PRR16: variants seen among roughly 807,000 people sequenced by gnomAD.
PRR16 encodes the protein protein Largen.
PRR16 carries 6 observed loss-of-function variants against 18.2 expected under a neutral mutation model. The ratio of observed to expected loss-of-function variants is 0.33; its 90% CI spans 0.18 to 0.65. The LOEUF (loss-of-function observed/expected upper bound fraction) is 0.65, where lower values mean the gene tolerates loss of function less well. Ranked by LOEUF, PRR16 falls within the 30% of genes least tolerant of loss-of-function variation. PRR16 has a pLI of 0.74. For synonymous variants in PRR16, 151 were observed against 147.8 expected (o/e 1.02, Z -0.16); for missense variants, 412 against 376.6 (o/e 1.09, Z -0.78).
intron 1 of PRR16, among the ~76,000 whole-genome samples, chr5:120,512,308 G>A (rs1750854097): frequency 6.6e-6 from 1 of 152,128 alleles, no homozygotes; most frequent in Non-Finnish European, 1.5e-5. Flanking sequence ...GAGGGCTCCA[G>A]GCGACCAAAT....
At chr5:120,613,348 T>C (rs141521276) in intron 1 of PRR16, among the ~76,000 whole-genome samples, 132 of 144,196 alleles carry the variant, frequency 9.2e-4, no homozygotes, top group Non-Finnish European at 1.7e-3. Context: ...TCAGTGGAAA[T>C]AAAATTTAAA....
chr5:120,525,357 A>G (rs1259803377), intron 1 of PRR16, among the ~76,000 whole-genome samples: 1 of 152,082 alleles, frequency 6.6e-6, no homozygotes, highest in Non-Finnish European at 1.5e-5. Context: ...CTCGAACTTA[A>G]TAAATTAAAT....
chr5:120,649,461 A>G (rs764085753), intron 1 of PRR16, among the ~76,000 whole-genome samples: 2 of 152,238 alleles, frequency 1.3e-5, no homozygotes, highest in South Asian at 4.1e-4. Flanking sequence ...ATTTTTTACT[A>G]CTATTGACTA....
the PRR16 span, chr5:120,781,124 G>A: frequency 1.3e-5 from 2 of 151,826 alleles, no homozygotes; most frequent in African/African-American, 4.8e-5. Flanking sequence ...TGAATTAATT[G>A]GCAAAATAAT....
intron 1 of PRR16, among the ~76,000 whole-genome samples, chr5:120,489,219 G>C (rs1442959985): frequency 2.6e-5 from 4 of 152,132 alleles, no homozygotes; most frequent in African/African-American, 9.7e-5. Flanking sequence ...TTAACTTTCT[G>C]TCTTGTTGAT....
the PRR16 span, among the ~76,000 whole-genome samples, chr5:120,762,065 CTAT>C: frequency 9.2e-5 from 14 of 152,074 alleles, no homozygotes; most frequent in Admixed American, 2.0e-4. Flanking sequence ...TTTTTTATGG[CTAT>C]TATTCCACTG....
intron 1 of PRR16, among the ~76,000 whole-genome samples, chr5:120,608,646 C>G (rs1754233207): frequency 6.6e-6 from 1 of 152,078 alleles, no homozygotes; most frequent in African/African-American, 2.4e-5. Context: ...AGGAATTTTT[C>G]TATTAGGCTA....
intron 1 of PRR16, among the ~76,000 whole-genome samples, chr5:120,613,272 T>C (rs527891275): frequency 5.3e-5 from 8 of 152,274 alleles, no homozygotes; most frequent in Admixed American, 2.0e-4. Flanking sequence ...CAAACCAGAA[T>C]TGGTATTTTA....
intron 1 of PRR16, among the ~76,000 whole-genome samples, chr5:120,477,314 G>A (rs1238193232): frequency 4.7e-5 from 7 of 150,178 alleles, no homozygotes; most frequent in Non-Finnish European, 5.9e-5. Context: ...ACTGAACCCG[G>A]ATCTCCCCCC....
the PRR16 span, among the ~76,000 whole-genome samples, chr5:120,712,941 CG>C: frequency 1.3e-5 from 2 of 152,142 alleles, no homozygotes; most frequent in East Asian, 3.9e-4. Context: ...AAAAATAGAA[CG>C]GCCATATGAC....
intron 1 of PRR16, among the ~76,000 whole-genome samples, chr5:120,634,489 A>C (rs1353650854): frequency 6.6e-6 from 1 of 152,104 alleles, no homozygotes; most frequent in African/African-American, 2.4e-5. Flanking sequence ...ACTAAAATAT[A>C]AAAATTAGCT....
At chr5:120,539,482 G>C (rs2112680024) in intron 1 of PRR16, among the ~76,000 whole-genome samples, 1 of 152,026 alleles carries the variant, frequency 6.6e-6, no homozygotes, top group Middle Eastern at 3.4e-3. Context: ...TAATACTTTA[G>C]TGGATTTATA....
At chr5:120,468,833 T>A (rs1749181878) in intron 1 of PRR16, among the ~76,000 whole-genome samples, 1 of 152,228 alleles carries the variant, frequency 6.6e-6, no homozygotes, top group African/African-American at 2.4e-5. Context: ...GAGCTTTTCT[T>A]GTAGTGTTTA....
chr5:120,712,790 TTAGC>T, the PRR16 span, among the ~76,000 whole-genome samples: 1 of 152,134 alleles, frequency 6.6e-6, no homozygotes, highest in African/African-American at 2.4e-5. Context: ...TTATACTTGG[TTAGC>T]TAGCTATTAT....
At chr5:120,772,661 C>T in the PRR16 span, among the ~76,000 whole-genome samples, 14 of 152,084 alleles carry the variant, frequency 9.2e-5, no homozygotes, top group East Asian at 3.9e-4. Flanking sequence ...TGATGGATAA[C>T]GCTTTGTCAC....
Position 120,686,530 on chromosome 5 carries a change from C to T in PRR16, c.736C>T (p.His246Tyr), listed in dbSNP as rs1483448770. The change falls in exon 2 of 2, where the codon CAC (histidine) becomes TAC (tyrosine). Residue 246 changes from histidine (H) to tyrosine (Y), a missense_variant. His to Tyr is a moderately conservative substitution (Grantham distance 83). Transcript: ENST00000407149. ...EPVHPPGKIP[H>Y]QGPPLPPTPH... ...TGTCCACCCACCGGGAAAGATTCCT[C>T]ACCAAGGCCCTCCCCTCCCTCCTAC... 1 of 1,613,858 alleles carries T rather than the reference C, an allele frequency of 6.2e-7. No individual in the cohort carries two copies. Among genetic ancestry groups the T allele is most frequent in the Admixed American group, 1.7e-5 (1 of 59,966 alleles).
chr5:120,591,074 TTG>T (rs1230322201), intron 1 of PRR16, among the ~76,000 whole-genome samples: 1 of 151,920 alleles, frequency 6.6e-6, no homozygotes, highest in Non-Finnish European at 1.5e-5. Flanking sequence ...GGTCAGGAGT[TTG>T]AGACCAGCCT....
the PRR16 span, among the ~76,000 whole-genome samples, chr5:120,728,341 C>T: frequency 6.8e-6 from 1 of 146,576 alleles, no homozygotes; most frequent in Non-Finnish European, 1.5e-5. Flanking sequence ...TTTTTTTACA[C>T]AGGATCCTGG....
chr5:120,555,566 C>A (rs1239779725), intron 1 of PRR16, among the ~76,000 whole-genome samples: 3 of 151,522 alleles, frequency 2.0e-5, no homozygotes, highest in African/African-American at 7.3e-5. Context: ...GATCTCTCTT[C>A]TTCAAGAACA....
Sources: allele counts gnomAD v4.1 joint callset (sites outside exome capture counted in the v4.1 genomes callset), GRCh38; gene constraint gnomAD v4.1.1; transcripts MANE v1.5; gene names NCBI Gene and HGNC (gene_info 2026-07-23, HGNC 2026-07-21).